Variants in USP48 observed in about 807,000 individuals in gnomAD.
USP48 encodes ubiquitin specific peptidase 48, also known as ubiquitin carboxyl-terminal hydrolase 48.
A neutral mutation model predicts 150.7 loss-of-function variants in USP48; 43 were observed. The ratio of observed to expected loss-of-function variants is 0.29; its 90% confidence interval spans 0.22 to 0.37. The LOEUF (loss-of-function observed/expected upper bound fraction) is 0.37, where lower values mean the gene tolerates loss of function less well. Ranked by LOEUF, USP48 falls within the 10% of genes least tolerant of loss-of-function variation. USP48 has a pLI of 1.00. For synonymous variants in USP48, 396 were observed against 425.9 expected (o/e 0.93, Z 0.86); for missense variants, 813 against 1,249.6 (o/e 0.65, Z 5.27).
At chr1:21,681,718 G>A (rs1479950558) in intron 25 of USP48, among the ~76,000 whole-genome samples, 3 of 152,132 alleles carry the variant, frequency 2.0e-5, no homozygotes, top group Non-Finnish European at 4.4e-5. Context: ...TACTTTTTAC[G>A]CCATTAATAC....
chr1:21,693,663 C>CA (rs2097611092), intron 23 of USP48, among the ~76,000 whole-genome samples: 1 of 152,234 alleles, frequency 6.6e-6, no homozygotes, highest in Non-Finnish European at 1.5e-5. Context: ...TCTTTAGGCA[C>CA]AGGGGCTCTT....
intron 15 of USP48, among the ~76,000 whole-genome samples, chr1:21,713,204 A>G (rs749501281): frequency 1.3e-5 from 2 of 151,888 alleles, no homozygotes; most frequent in Non-Finnish European, 2.9e-5. Flanking sequence ...TCCTGGGCTC[A>G]GGTAACCCTC....
At chr1:21,721,519 T>A in intron 13 of USP48, 131 bp downstream of exon 13, 1 of 694,908 alleles carries the variant, frequency 1.4e-6, no homozygotes, top group Non-Finnish European at 2.3e-6. Flanking sequence ...TTGATCTGGC[T>A]CTACCATCCA....
At chr1:21,679,500 T>C in intron 26 of USP48, 61 bp from the exon 27 acceptor site, 2 of 1,590,332 alleles carry the variant, frequency 1.3e-6, no homozygotes, top group Admixed American at 1.7e-5. Context: ...GTTCATGGAT[T>C]CCATTTACCA....
chr1:21,680,950 C>A (rs72660363), intron 25 of USP48, 116 bp from the exon 26 acceptor site: 6 of 725,842 alleles, frequency 8.3e-6, no homozygotes, highest in Non-Finnish European at 9.0e-6. Flanking sequence ...ACCTTTGTCA[C>A]CTGTAATAAT....
chr1:21,701,604 T>C lies in USP48; in HGVS notation c.2623-2A>G. ...TTCCGGAGCCGAATCCTTCATCACC[T>C]GAATGTGCCAGGACAACAAAGAGAA... On this transcript the variant is annotated splice_acceptor_variant, in intron 21 of 26. Coordinates refer to ENST00000308271, the MANE Select transcript of USP48 (RefSeq NM_032236.8). LOFTEE classifies it high-confidence loss of function. 6.2e-7 allele frequency: 1 copy of C among 1,613,132 alleles called. No homozygotes were observed. The highest frequency in any genetic ancestry group is 8.5e-7 in the Non-Finnish European group (1 of 1,179,316).
At chr1:21,779,297 C>T (rs1019747015) in intron 1 of USP48, among the ~76,000 whole-genome samples, 6 of 151,996 alleles carry the variant, frequency 3.9e-5, no homozygotes, top group African/African-American at 1.4e-4. Context: ...GTAATCCCAG[C>T]ACTTTGGGAG....
At chr1:21,715,480 A>G (rs747745606) in intron 14 of USP48, 23 bp from the exon 15 acceptor site, 12 of 1,460,020 alleles carry the variant, frequency 8.2e-6, no homozygotes, top group Middle Eastern at 1.8e-4. Flanking sequence ...AATACAAATG[A>G]TATCTGCTGT....
chr1:21,726,027 A>G (rs529243198), intron 11 of USP48, among the ~76,000 whole-genome samples: 8 of 152,194 alleles, frequency 5.3e-5, no homozygotes, highest in Non-Finnish European at 1.0e-4. Context: ...TATGAAGGCT[A>G]TCAAAGGAGA....
intron 14 of USP48, among the ~76,000 whole-genome samples, chr1:21,717,921 G>C (rs553108579): frequency 4.5e-4 from 69 of 152,294 alleles, no homozygotes; most frequent in South Asian, 1.2e-3. Context: ...GGGCAACAGA[G>C]GGAGACTCCG....
At chr1:21,700,340 C>T (rs1571756263) in intron 22 of USP48, among the ~76,000 whole-genome samples, 1 of 152,176 alleles carries the variant, frequency 6.6e-6, no homozygotes, top group African/African-American at 2.4e-5. Flanking sequence ...ATTTTATGAG[C>T]GCCAATAAGC....
intron 25 of USP48, 76 bp downstream of exon 25, chr1:21,687,115 C>T (rs538473165): frequency 1.4e-6 from 2 of 1,417,948 alleles, no homozygotes; most frequent in South Asian, 1.2e-5. Context: ...GCACTGTACA[C>T]TAAAGCTTCA....
intron 1 of USP48, among the ~76,000 whole-genome samples, chr1:21,781,467 C>T (rs545544774): frequency 1.3e-5 from 2 of 151,586 alleles, no homozygotes; most frequent in Admixed American, 6.6e-5. Flanking sequence ...CAGAAATTGG[C>T]CCAGCATGGT....
intron 8 of USP48, among the ~76,000 whole-genome samples, chr1:21,742,911 G>A (rs2097785489): frequency 6.6e-6 from 1 of 152,168 alleles, no homozygotes; most frequent in Non-Finnish European, 1.5e-5. Context: ...AAACAACACT[G>A]CTATAACCAG....
chr1:21,683,701 T>C (rs995745215), intron 25 of USP48, among the ~76,000 whole-genome samples: 1 of 152,230 alleles, frequency 6.6e-6, no homozygotes, highest in East Asian at 1.9e-4. Flanking sequence ...TTTTGAAATA[T>C]ACAACATATC....
intron 8 of USP48, among the ~76,000 whole-genome samples, chr1:21,739,607 G>A (rs545303333): frequency 2.0e-5 from 3 of 150,882 alleles, no homozygotes; most frequent in Non-Finnish European, 4.4e-5. Context: ...TTACATCATG[G>A]AATGATTAAA....
intron 25 of USP48, chr1:21,681,267 AC>A (rs1200135617): frequency 2.0e-5 from 3 of 152,954 alleles, no homozygotes; most frequent in African/African-American, 7.3e-5. Flanking sequence ...AATTTTATTT[AC>A]TTTTTTTTTT....
At chr1:21,743,412 C>T (rs1314159573) in intron 8 of USP48, among the ~76,000 whole-genome samples, 1 of 152,156 alleles carries the variant, frequency 6.6e-6, no homozygotes, top group Non-Finnish European at 1.5e-5. Flanking sequence ...TGTTAACTAT[C>T]ACGGACTCAG....
chr1:21,704,566 C>T, intron 19 of USP48, 174 bp from the exon 20 acceptor site: 2 of 648,784 alleles, frequency 3.1e-6, no homozygotes, highest in East Asian at 3.2e-5. Context: ...AGGAATGTTA[C>T]CACAGCAGCG....
Sources: allele counts gnomAD v4.1 joint callset (sites outside exome capture counted in the v4.1 genomes callset), GRCh38; gene constraint gnomAD v4.1.1; transcripts MANE v1.5; gene names NCBI Gene and HGNC (gene_info 2026-07-23, HGNC 2026-07-21).